Variants in TCF12 observed in about 807,000 individuals in gnomAD.
The protein encoded by TCF12 is transcription factor 12.
Under a neutral mutation model 86.0 loss-of-function variants are expected in TCF12, and 45 were observed. The ratio of observed to expected loss-of-function variants is 0.52; its 90% CI spans 0.41 to 0.67. TCF12 has a LOEUF of 0.67. TCF12 is among the 30% of genes least tolerant of loss of function. TCF12 has a pLI of 0.00. For synonymous variants in TCF12, 330 were observed against 299.6 expected (o/e 1.10, Z -1.05); for missense variants, 881 against 859.9 (o/e 1.02, Z -0.31).
intron 4 of TCF12, among the ~76,000 whole-genome samples, chr15:57,070,398 T>C (rs952271542): frequency 2.6e-5 from 4 of 152,158 alleles, no homozygotes; most frequent in African/African-American, 9.7e-5. Flanking sequence ...AATATGTGGG[T>C]ACAAGGATTT....
chr15:56,928,882 G>C (rs1376281343), intron 3 of TCF12, among the ~76,000 whole-genome samples: 1 of 152,162 alleles, frequency 6.6e-6, no homozygotes. Flanking sequence ...GAACAGGTTG[G>C]AGAGAATGTT....
intron 3 of TCF12, among the ~76,000 whole-genome samples, chr15:56,947,563 T>C (rs1267309221): frequency 6.6e-6 from 1 of 152,202 alleles, no homozygotes. Flanking sequence ...ACCTAGTTTC[T>C]TTTTTCTCAG....
rs577466155 is a variant in TCF12, at chr15:57,069,681, T to G, written c.222+5858T>G. ...GACTAGTTAATGACAGCCTCTGGCATGACAGAACTCAGATATTCTGAATCT... is the reference window on the plus strand; with the variant it reads ...GACTAGTTAATGACAGCCTCTGGCAGGACAGAACTCAGATATTCTGAATCT... On this transcript the variant is annotated intron_variant, in intron 4 of 20. Coordinates refer to ENST00000333725, the MANE Select transcript of TCF12 (RefSeq NM_207037.2). 2.6e-5 allele frequency among the ~76,000 whole-genome samples: 4 copies of G among 152,362 alleles called. No individual in the cohort carries two copies. In the East Asian group the frequency reaches 7.7e-4, roughly 29 times the overall value.
chr15:56,969,453 A>G (rs2062175203), intron 3 of TCF12, among the ~76,000 whole-genome samples: 1 of 152,046 alleles, frequency 6.6e-6, no homozygotes, highest in South Asian at 2.1e-4. Flanking sequence ...AAACTGGAGG[A>G]ACAGGTTTTG....
chr15:56,940,526 TCTTCTC>T (rs1464232363), intron 3 of TCF12, among the ~76,000 whole-genome samples: 2,649 of 146,290 alleles, frequency 0.018, 93 homozygotes, highest in African/African-American at 0.065. Context: ...TCCTCCTTCT[TCTTCTC>T]CTTCTTCTCC....
rs1369800483 is a variant in TCF12 at position 56,962,107 on chromosome 15, TG to T, written c.148+41012del. 1.4e-4 allele frequency among the ~76,000 whole-genome samples: 18 copies of T among 131,552 alleles called. No homozygotes were observed. In the South Asian group the frequency reaches 3.3e-3, roughly 24 times the overall value. 86.3% of individuals were successfully genotyped at this position (131,552 alleles called of 152,430 possible). On this transcript the variant is annotated intron_variant, in intron 3 of 20. Transcript: ENST00000333725. The stretch of plus-strand genomic sequence containing the variant: ...GAGACTGCGCCACTGTACTCCAGCC[TG>T]GGTGACAGAGCGAGACTCCGTCTCA...
chr15:57,213,699 A>C (rs1375802838), intron 8 of TCF12, among the ~76,000 whole-genome samples: 4 of 152,240 alleles, frequency 2.6e-5, no homozygotes, highest in Non-Finnish European at 5.9e-5. Flanking sequence ...CGCACAGGCC[A>C]AAAGAAGAAA....
At chr15:57,090,868 C>T (rs1322107319) in intron 4 of TCF12, among the ~76,000 whole-genome samples, 2 of 152,076 alleles carry the variant, frequency 1.3e-5, no homozygotes, top group Non-Finnish European at 2.9e-5. Context: ...TGTTTAGAAA[C>T]AATATGATTT....
intron 3 of TCF12, among the ~76,000 whole-genome samples, chr15:56,978,175 TC>T (rs1300048284): frequency 2.6e-5 from 4 of 152,242 alleles, no homozygotes; most frequent in Non-Finnish European, 5.9e-5. Context: ...AATGATCATT[TC>T]TACTTTTCTC....
chr15:57,131,728 G>T lies in TCF12; in HGVS notation c.326-34674G>T, dbSNP rs111492393. On this transcript the variant is annotated intron_variant, in intron 5 of 20. Coordinates refer to ENST00000333725, the MANE Select transcript of TCF12 (RefSeq NM_207037.2). ...TTTAAAGTTATGTCAGGCCACAAAG[G>T]GAGATTATAAATGAGGAGAAACTTC... Among the ~76,000 whole-genome samples, 783 of 152,252 alleles carry T rather than the reference G, an allele frequency of 5.1e-3. 6 individuals are homozygous for T. The highest frequency in any genetic ancestry group is 8.4e-3 in the Non-Finnish European group (573 of 67,992).
intron 12 of TCF12, among the ~76,000 whole-genome samples, chr15:57,243,185 C>A (rs778724062): frequency 6.6e-6 from 1 of 152,146 alleles, no homozygotes; most frequent in Non-Finnish European, 1.5e-5. Flanking sequence ...TTTGTAGATA[C>A]TTCTCCTTTT....
intron 3 of TCF12, among the ~76,000 whole-genome samples, chr15:56,989,463 G>T (rs2063341244): frequency 1.3e-5 from 2 of 152,180 alleles, no homozygotes; most frequent in African/African-American, 4.8e-5. Context: ...AAACCAGGCA[G>T]CTGGGTGGAT....
chr15:57,060,065 G>A (rs547929984), intron 3 of TCF12, among the ~76,000 whole-genome samples: 1 of 152,286 alleles, frequency 6.6e-6, no homozygotes, highest in East Asian at 1.9e-4. Flanking sequence ...AAGTTTACCT[G>A]TTCCTCTAAG....
At chr15:57,051,053 T>G (rs1007021630) in intron 3 of TCF12, among the ~76,000 whole-genome samples, 1 of 152,252 alleles carries the variant, frequency 6.6e-6, no homozygotes, top group Non-Finnish European at 1.5e-5. Context: ...TAATTTCATA[T>G]TGGAAAATGT....
At chr15:57,100,617 A>G (rs555028826) in intron 5 of TCF12, among the ~76,000 whole-genome samples, 5 of 152,078 alleles carry the variant, frequency 3.3e-5, no homozygotes, top group Admixed American at 6.5e-5. Context: ...AAAGGCTTTC[A>G]GAATGTTTTA....
intron 3 of TCF12, among the ~76,000 whole-genome samples, chr15:56,977,914 C>G (rs2140847804): frequency 6.6e-6 from 1 of 152,208 alleles, no homozygotes; most frequent in East Asian, 1.9e-4. Context: ...GGAGATAGGG[C>G]AGACAGAATT....
At chr15:57,006,506 T>A (rs2064384202) in intron 3 of TCF12, among the ~76,000 whole-genome samples, 1 of 151,532 alleles carries the variant, frequency 6.6e-6, no homozygotes, top group South Asian at 2.1e-4. Context: ...GGTTTCACCA[T>A]GTTGGCCAGG....
chr15:57,168,829 T>C (rs1597008784), intron 6 of TCF12, among the ~76,000 whole-genome samples: 1 of 152,116 alleles, frequency 6.6e-6, no homozygotes, highest in Admixed American at 6.6e-5. Context: ...GCGGATTGCC[T>C]GAGGTCAGGA....
intron 3 of TCF12, among the ~76,000 whole-genome samples, chr15:56,922,368 TA>T (rs1464635575): frequency 2.6e-5 from 4 of 152,138 alleles, no homozygotes; most frequent in Non-Finnish European, 5.9e-5. Flanking sequence ...CAGTCACTGA[TA>T]CAATAACATG....
Sources: allele counts gnomAD v4.1 joint callset (sites outside exome capture counted in the v4.1 genomes callset), GRCh38; gene constraint gnomAD v4.1.1; transcripts MANE v1.5; gene names NCBI Gene and HGNC (gene_info 2026-07-23, HGNC 2026-07-21).